EIF4H: variants seen among roughly 807,000 people sequenced by gnomAD.
The protein encoded by EIF4H is eukaryotic translation initiation factor 4H.
Under a neutral mutation model 30.6 loss-of-function variants are expected in EIF4H, and 8 were observed. That is an observed-to-expected ratio of 0.26 (90% CI 0.15 to 0.47). The LOEUF is 0.47. EIF4H is among the 20% of genes least tolerant of loss of function. EIF4H has a pLI of 0.99. For missense variants in EIF4H, 188 were observed against 339.5 expected (o/e 0.55, Z 3.51); for synonymous variants, 106 against 122.7 (o/e 0.86, Z 0.90).
chr7:74,177,812 T>G (rs781931942), intron 1 of EIF4H, among the ~76,000 whole-genome samples: 1 of 152,218 alleles, frequency 6.6e-6, no homozygotes, highest in Non-Finnish European at 1.5e-5. Flanking sequence ...TGCATGACGG[T>G]TCATGTAAAA....
In EIF4H at chr7:74,195,212, A is replaced by T. The variant is rs376556317; in HGVS notation, c.651A>T (p.Thr217=). Reference sequence around the variant, plus strand: ...CACGACTCCAGCTTAAACCTCGAACAGTCGCGACGCCCCTCAATCAAGTAG... The same window carrying T: ...CACGACTCCAGCTTAAACCTCGAACTGTCGCGACGCCCCTCAATCAAGTAG... ...QRPRLQLKPR[T]VATPLNQVAN... is the part of the protein sequence containing the mutation. The change falls in exon 7 of 7, where the codon ACA becomes ACT. Residue 217 remains threonine (T), a synonymous_variant. Transcript: ENST00000265753. 1 of 1,613,888 alleles carries T rather than the reference A, an allele frequency of 6.2e-7. No individual in the cohort carries two copies. The highest frequency in any genetic ancestry group is 1.3e-5 in the African/African-American group (1 of 74,936).
At chr7:74,177,439 C>G (rs1554707833) in intron 1 of EIF4H, among the ~76,000 whole-genome samples, 1 of 152,122 alleles carries the variant, frequency 6.6e-6, no homozygotes, top group Non-Finnish European at 1.5e-5. Flanking sequence ...CACCACTATC[C>G]AGCTCCTTAA....
chr7:74,178,749 C>T (rs561001198), intron 1 of EIF4H, among the ~76,000 whole-genome samples: 6 of 152,186 alleles, frequency 3.9e-5, no homozygotes, highest in South Asian at 2.1e-4. Flanking sequence ...CCTGCACACC[C>T]GGGCATGAAA....
intron 1 of EIF4H, among the ~76,000 whole-genome samples, chr7:74,180,143 G>A (rs1800926448): frequency 6.6e-6 from 1 of 152,192 alleles, no homozygotes; most frequent in Non-Finnish European, 1.5e-5. Context: ...GCTGCAGTGA[G>A]CAGTGATTGC....
rs782018727 is a variant in EIF4H, at chr7:74,192,070, C to T, written c.469+1764C>T. On this transcript the variant is annotated intron_variant, in intron 5 of 6. Coordinates refer to ENST00000265753, the MANE Select transcript of EIF4H (RefSeq NM_022170.2). ...CTGGGATTACAGGCATGAGCCACCG[C>T]GCCCGGCCCCCACCAACAGATTTGA... Among the ~76,000 whole-genome samples the T allele has an allele frequency of 8.5e-5, 13 of 152,236 alleles. 1 individual carries two copies. The East Asian group carries it at 2.5e-3, about 29-fold the overall frequency.
chr7:74,190,196 G>A (rs782111617), intron 4 of EIF4H, 51 bp from the exon 5 acceptor site: 37 of 1,560,384 alleles, frequency 2.4e-5, no homozygotes, highest in Admixed American at 6.8e-5. Context: ...CCATGTTTGC[G>A]CAGCAAGGTA....
rs1584190169 is a variant in EIF4H, at chr7:74,195,449, T to C, written c.*141T>C. The C allele has an allele frequency of 1.1e-6, 1 of 943,606 alleles. No homozygotes were observed. Among genetic ancestry groups the C allele is most frequent in the South Asian group, 1.8e-5 (1 of 56,000 alleles). 58.5% of individuals were successfully genotyped at this position (943,606 alleles called of 1,614,324 possible). On this transcript the variant is annotated 3_prime_UTR_variant, in exon 7 of 7. Coordinates refer to ENST00000265753, the MANE Select transcript of EIF4H (RefSeq NM_022170.2). ...AGCGGAAACACAGCTTGTGAGTGCA[T>C]GTCAGCTGTTAACAAGTGGTTTTTA... is the stretch of plus-strand genomic sequence containing the variant.
At chr7:74,190,454 TA>T in intron 5 of EIF4H, 148 bp downstream of exon 5, 1 of 757,486 alleles carries the variant, frequency 1.3e-6, no homozygotes, top group Non-Finnish European at 2.2e-6. Context: ...GGCATGCAAG[TA>T]AGCCTCTGTT....
chr7:74,187,888 A>T, intron 2 of EIF4H, 90 bp downstream of exon 2: 1 of 1,383,612 alleles, frequency 7.2e-7, no homozygotes, highest in Non-Finnish European at 9.6e-7. Flanking sequence ...TGTGAACCAG[A>T]GGCTGTAATC....
At chr7:74,181,522 C>T (rs1256139729) in intron 1 of EIF4H, among the ~76,000 whole-genome samples, 4 of 152,140 alleles carry the variant, frequency 2.6e-5, no homozygotes, top group African/African-American at 9.7e-5. Flanking sequence ...ACCTCCGCCT[C>T]CTGGGTTCAA....
At chr7:74,194,913 C>G (rs868981174) in intron 6 of EIF4H, 35 bp downstream of exon 6, 11 of 1,566,724 alleles carry the variant, frequency 7.0e-6, no homozygotes, top group Middle Eastern at 3.4e-4. Flanking sequence ...GGCATCTTGT[C>G]CTGATGGGAT....
At position 74,189,703 on chromosome 7, in the gene EIF4H, A is replaced by G. The variant is rs1156665737; in HGVS notation, c.278A>G (p.Asp93Gly). 1 of 1,614,050 alleles carries G rather than the reference A, an allele frequency of 6.2e-7. No individual in the cohort carries two copies. Among genetic ancestry groups the G allele is most frequent in the African/African-American group, 1.3e-5 (1 of 74,934 alleles). ...GFCYVEFDEV[D>G]SLKEALTYDG... ...TGCTATGTAGAATTCGATGAAGTGG[A>G]TTCCCTTAAGGAAGCCTTGACATAC... is the stretch of plus-strand genomic sequence containing the variant. The change falls in exon 3 of 7, where the codon GAT becomes GGT. Residue 93 changes from aspartate (D) to glycine (G), a missense_variant. Physicochemically the swap from Asp to Gly is moderately conservative, Grantham distance 94. Around this residue, in one of 4 missense-constraint regions of EIF4H, gnomAD observed 52 missense variants for 143.9 expected, o/e 0.36. Transcript: ENST00000265753.
At chr7:74,194,319 T>A (rs1177695180) in intron 5 of EIF4H, among the ~76,000 whole-genome samples, 2 of 152,230 alleles carry the variant, frequency 1.3e-5, no homozygotes, top group African/African-American at 4.8e-5. Context: ...ATTTTTGTGT[T>A]CTGAGTTGTA....
chr7:74,177,771 C>G (rs1554707890), intron 1 of EIF4H, among the ~76,000 whole-genome samples: 1 of 151,806 alleles, frequency 6.6e-6, no homozygotes, highest in Non-Finnish European at 1.5e-5. Context: ...AAAAGTGTTA[C>G]CAGAAATATT....
At position 74,189,927 on chromosome 7, in the gene EIF4H, T is replaced by A. The variant is rs781788113; in HGVS notation, c.409+9T>A. 13 of 1,613,808 alleles carry A rather than the reference T, an allele frequency of 8.1e-6. No homozygotes were observed. Among genetic ancestry groups the A allele is most frequent in the Non-Finnish European group, 8.5e-6 (10 of 1,179,934 alleles). On this transcript the variant is annotated intron_variant, in intron 4 of 6. Coordinates refer to ENST00000265753, the MANE Select transcript of EIF4H (RefSeq NM_022170.2). ...TGGACCAGATGACAGAGGTGATTGG[T>A]TCTTCTAAAGCTGAACATCATAAAG...
At chr7:74,186,670 G>A (rs991974694) in intron 1 of EIF4H, among the ~76,000 whole-genome samples, 1 of 151,838 alleles carries the variant, frequency 6.6e-6, no homozygotes, top group Non-Finnish European at 1.5e-5. Context: ...CCATACGCAT[G>A]TATTTGAGGA....
At chr7:74,189,632 A>T in intron 2 of EIF4H, 41 bp from the exon 3 acceptor site, 1 of 1,608,976 alleles carries the variant, frequency 6.2e-7, no homozygotes. Context: ...TCTTTAACCC[A>T]GAATTACTTG....
intron 3 of EIF4H, 28 bp downstream of exon 3, chr7:74,189,765 T>G (rs1554709630): frequency 6.2e-7 from 1 of 1,614,086 alleles, no homozygotes; most frequent in Non-Finnish European, 8.5e-7. Flanking sequence ...TTCTCTGTCA[T>G]AGCAGTTGAG....
chr7:74,183,251 A>G (rs1360202720), intron 1 of EIF4H, among the ~76,000 whole-genome samples: 2 of 152,220 alleles, frequency 1.3e-5, no homozygotes, highest in Non-Finnish European at 2.9e-5. Flanking sequence ...GGCAGTAGAA[A>G]GGACACTGCT....
Sources: gnomAD v4.1 joint callset for allele counts (sites outside exome capture counted in the v4.1 genomes callset) on GRCh38, gnomAD v4.1.1 for gene constraint, gnomAD v4.1.1 regional missense constraint, MANE v1.5 for transcripts, NCBI Gene and HGNC (gene_info 2026-07-23, HGNC 2026-07-21) for gene names.